ADGRB3: variants seen among roughly 807,000 people sequenced by gnomAD.
The protein encoded by ADGRB3 is brain-specific angiogenesis inhibitor 3.
A neutral mutation model predicts 193.4 loss-of-function variants in ADGRB3; 37 were observed. That is an observed-to-expected ratio of 0.19 (90% CI 0.15 to 0.25). The LOEUF is 0.25. Ranked by LOEUF, ADGRB3 falls within the 10% of genes least tolerant of loss-of-function variation. The pLI, the probability that ADGRB3 is intolerant of heterozygous loss-of-function variation, is 1.00. For synonymous variants in ADGRB3, 690 were observed against 644.2 expected (o/e 1.07, Z -1.08); for missense variants, 1,637 against 1,852.9 (o/e 0.88, Z 2.14).
rs183040442 is a variant in ADGRB3, at chr6:69,257,531, C to T, written c.2814+18305C>T. ...ATTCTCTGATGTAAATAAAATATCT[C>T]TGTATTTCCTGTAAATAAAAAGATG... On this transcript the variant is annotated intron_variant, in intron 20 of 31. Transcript: ENST00000370598. Among the ~76,000 whole-genome samples the T allele has an allele frequency of 1.7e-3, 255 of 152,210 alleles. 1 individual carries two copies. Among genetic ancestry groups the T allele is most frequent in the Non-Finnish European group, 2.7e-3 (182 of 68,008 alleles).
At chr6:68,801,939 T>C (rs1439885317) in intron 3 of ADGRB3, among the ~76,000 whole-genome samples, 1 of 152,134 alleles carries the variant, frequency 6.6e-6, no homozygotes, top group Non-Finnish European at 1.5e-5. Flanking sequence ...TTATGAGACT[T>C]AGAGGAGATT....
chr6:69,274,625 T>C (rs1368006887), intron 20 of ADGRB3, among the ~76,000 whole-genome samples: 1 of 132,984 alleles, frequency 7.5e-6, no homozygotes, highest in Non-Finnish European at 1.6e-5. Context: ...CTCCCTCCCT[T>C]CCTTCCTTCT....
chr6:69,009,928 T>C (rs955991500), intron 11 of ADGRB3, among the ~76,000 whole-genome samples: 1 of 152,094 alleles, frequency 6.6e-6, no homozygotes, highest in African/African-American at 2.4e-5. Context: ...AGTATATTTA[T>C]AAAAAATTGT....
chr6:68,649,641 A>G (rs1374613176), intron 3 of ADGRB3, among the ~76,000 whole-genome samples: 1 of 152,230 alleles, frequency 6.6e-6, no homozygotes, highest in Non-Finnish European at 1.5e-5. Context: ...GTATAGATTT[A>G]CTAAGACAAT....
intron 3 of ADGRB3, among the ~76,000 whole-genome samples, chr6:68,643,293 T>G (rs924783246): frequency 3.3e-5 from 5 of 152,174 alleles, no homozygotes; most frequent in African/African-American, 1.2e-4. Flanking sequence ...GTATGTGTTG[T>G]CATTTTTAGG....
Position 69,361,107 on chromosome 6 carries a change from G to A in ADGRB3, c.3834G>A (p.Arg1278=). The A allele has an allele frequency of 1.2e-6, 2 of 1,612,852 alleles. No homozygotes were observed. Among genetic ancestry groups the A allele is most frequent in the Non-Finnish European group, 1.7e-6 (2 of 1,179,234 alleles). Residue 1278 remains arginine (R), a synonymous_variant, in exon 29 of 32, where the codon CGG becomes CGA. Coordinates refer to ENST00000370598, the MANE Select transcript of ADGRB3 (RefSeq NM_001704.3). ...PCLKKENSEL[R]RTVYLCTDDN... is the part of the protein sequence containing the mutation. The stretch of plus-strand genomic sequence containing the variant: ...TGAAAAAAGAAAATAGTGAATTGCG[G>A]AGAACTGTGTACTTATGTACGGATG...
chr6:68,987,255 G>T (rs1313816467), intron 10 of ADGRB3, among the ~76,000 whole-genome samples: 1 of 152,026 alleles, frequency 6.6e-6, no homozygotes, highest in Non-Finnish European at 1.5e-5. Context: ...CTACCCAAAG[G>T]AAATGGAGTC....
At chr6:68,990,862 A>G (rs1769218861) in intron 10 of ADGRB3, among the ~76,000 whole-genome samples, 1 of 152,130 alleles carries the variant, frequency 6.6e-6, no homozygotes, top group South Asian at 2.1e-4. Flanking sequence ...ATGGAGAACA[A>G]TTTAGTCTTC....
At chr6:68,728,970 A>G (rs1028647815) in intron 3 of ADGRB3, among the ~76,000 whole-genome samples, 1 of 151,616 alleles carries the variant, frequency 6.6e-6, no homozygotes, top group Non-Finnish European at 1.5e-5. Context: ...AGAAGCATAC[A>G]TATACCTTTC....
At chr6:68,854,667 T>C (rs974903155) in intron 3 of ADGRB3, among the ~76,000 whole-genome samples, 1 of 152,298 alleles carries the variant, frequency 6.6e-6, no homozygotes, top group South Asian at 2.1e-4. Flanking sequence ...ATGTCCTCCC[T>C]GTGCCAGCAT....
At chr6:69,231,365 C>T (rs1766132125) in intron 17 of ADGRB3, among the ~76,000 whole-genome samples, 1 of 152,152 alleles carries the variant, frequency 6.6e-6, no homozygotes, top group Non-Finnish European at 1.5e-5. Flanking sequence ...ATTTATTGGG[C>T]ATAGCTGCAT....
At position 69,361,075 on chromosome 6, in the gene ADGRB3, C is replaced by A. The variant is rs1769440947; in HGVS notation, c.3802C>A (p.Pro1268Thr). The A allele has an allele frequency of 4.3e-6, 7 of 1,612,470 alleles. No homozygotes were observed. The highest frequency in any genetic ancestry group is 3.3e-5 in the Admixed American group (2 of 59,768). Residue 1268 changes from proline (P) to threonine (T), a missense_variant, in exon 29 of 32, where the codon CCA (proline) becomes ACA (threonine). Transcript: ENST00000370598. ...MPMSMNELSN[P>T]CLKKENSELR... ...CATGAGTATGAATGAGCTTAGCAAT[C>A]CATGTTTGAAAAAAGAAAATAGTGA...
intron 3 of ADGRB3, among the ~76,000 whole-genome samples, chr6:68,794,337 A>G (rs1481007920): frequency 6.6e-6 from 1 of 151,932 alleles, no homozygotes; most frequent in Non-Finnish European, 1.5e-5. Flanking sequence ...CACTTTACAT[A>G]TATGCATATA....
At chr6:68,830,308 G>C (rs1480108367) in intron 3 of ADGRB3, among the ~76,000 whole-genome samples, 2 of 152,036 alleles carry the variant, frequency 1.3e-5, no homozygotes, top group African/African-American at 4.8e-5. Flanking sequence ...AAATTTCAAA[G>C]TAAGCAAAGT....
intron 17 of ADGRB3, among the ~76,000 whole-genome samples, chr6:69,122,993 C>CATGTGTGTGTGT (rs1554148498): frequency 2.0e-5 from 3 of 148,618 alleles, no homozygotes; most frequent in Non-Finnish European, 3.0e-5. Flanking sequence ...TATACACATA[C>CATGTGTGTGTGT]GTGTGAGTGT....
intron 10 of ADGRB3, among the ~76,000 whole-genome samples, chr6:68,976,901 T>C (rs1392038832): frequency 2.0e-5 from 3 of 151,812 alleles, no homozygotes; most frequent in Non-Finnish European, 4.4e-5. Flanking sequence ...TTTGGCTATA[T>C]ACAGCCTTAT....
intron 20 of ADGRB3, among the ~76,000 whole-genome samples, chr6:69,240,096 T>G (rs1427185762): frequency 6.6e-6 from 1 of 152,072 alleles, no homozygotes; most frequent in Non-Finnish European, 1.5e-5. Context: ...TAGGTTCTTT[T>G]CATGTATTAT....
At chr6:69,101,061 T>A in intron 17 of ADGRB3, among the ~76,000 whole-genome samples, 1 of 151,012 alleles carries the variant, frequency 6.6e-6, no homozygotes, top group Non-Finnish European at 1.5e-5. Context: ...GGTAACGCAT[T>A]TCCTAAATAT....
At chr6:68,757,252 A>G (rs570708) in intron 3 of ADGRB3, among the ~76,000 whole-genome samples, 4,385 of 152,122 alleles carry the variant, frequency 0.029, 220 homozygotes, top group African/African-American at 0.097. Flanking sequence ...GATATGTGAA[A>G]ATCATGTCTC....
Sources: allele counts gnomAD v4.1 joint callset (sites outside exome capture counted in the v4.1 genomes callset), GRCh38; gene constraint gnomAD v4.1.1; transcripts MANE v1.5; gene names NCBI Gene and HGNC (gene_info 2026-07-23, HGNC 2026-07-21).